Variants in PPM1L observed in about 807,000 individuals in gnomAD.
PPM1L encodes protein phosphatase, Mg2+/Mn2+ dependent 1L.
PPM1L carries 13 observed loss-of-function variants against 31.4 expected under a neutral mutation model. The observed-to-expected ratio is 0.41, with a 90% CI of 0.27 to 0.66. The LOEUF (loss-of-function observed/expected upper bound fraction) is 0.66, where lower values mean the gene tolerates loss of function less well. Ranked by LOEUF, PPM1L falls within the 30% of genes least tolerant of loss-of-function variation. The pLI, the probability that PPM1L is intolerant of heterozygous loss-of-function variation, is 0.29. For synonymous variants in PPM1L, 184 were observed against 175.4 expected (o/e 1.05, Z -0.39); for missense variants, 326 against 453.7 (o/e 0.72, Z 2.56).
At chr3:160,861,893 A>G (rs1052094986) in intron 1 of PPM1L, among the ~76,000 whole-genome samples, 2 of 152,114 alleles carry the variant, frequency 1.3e-5, no homozygotes, top group East Asian at 1.9e-4. Flanking sequence ...TTTTGCTTCC[A>G]TTGCTAGATT....
rs57262225 is a variant in PPM1L at position 160,903,210 on chromosome 3, G to GTA, written c.400-58525_400-58524insAT. 7.4e-4 allele frequency among the ~76,000 whole-genome samples: 73 copies of GTA among 99,216 alleles called. 1 individual carries two copies. The highest frequency in any genetic ancestry group is 8.3e-4 in the Non-Finnish European group (46 of 55,098). 65.1% of individuals were successfully genotyped at this position (99,216 alleles called of 152,430 possible). A position where few individuals can be genotyped will look rare whatever the true frequency, so the allele number is the denominator to read the frequency against. ...GTGTGTGTGGTATGTGTGTATGTTT[G>GTA]TGTGTGTGTGTGTGTGTGTGTGTGT... is the stretch of plus-strand genomic sequence containing the variant. On this transcript the variant is annotated intron_variant, in intron 1 of 3. Coordinates refer to ENST00000498165, the MANE Select transcript of PPM1L (RefSeq NM_139245.4).
At chr3:161,045,067 G>C (rs1719018848) in intron 2 of PPM1L, among the ~76,000 whole-genome samples, 1 of 152,166 alleles carries the variant, frequency 6.6e-6, no homozygotes, top group African/African-American at 2.4e-5. Context: ...AACAGGAAGA[G>C]CTAAATATCC....
At chr3:160,820,539 G>C (rs758567009) in intron 1 of PPM1L, among the ~76,000 whole-genome samples, 1 of 151,928 alleles carries the variant, frequency 6.6e-6, no homozygotes, top group African/African-American at 2.4e-5. Flanking sequence ...TAAATATGCT[G>C]CTTCTCACTT....
intron 1 of PPM1L, among the ~76,000 whole-genome samples, chr3:160,942,547 T>C (rs1347399799): frequency 2.0e-5 from 3 of 152,246 alleles, no homozygotes; most frequent in Admixed American, 2.0e-4. Flanking sequence ...AATTTTTAAA[T>C]TTTTCCATGA....
intron 1 of PPM1L, among the ~76,000 whole-genome samples, chr3:160,847,950 C>G (rs1714133024): frequency 6.6e-6 from 1 of 152,062 alleles, no homozygotes; most frequent in Non-Finnish European, 1.5e-5. Context: ...TGACTCTGTC[C>G]TCTGTTGCTG....
chr3:160,892,108 C>T (rs557986984), intron 1 of PPM1L, among the ~76,000 whole-genome samples: 3 of 152,134 alleles, frequency 2.0e-5, no homozygotes, highest in South Asian at 2.1e-4. Context: ...AACAAACCTG[C>T]GCGTTCTTCA....
At chr3:161,048,667 C>G (rs1719161431) in intron 2 of PPM1L, among the ~76,000 whole-genome samples, 1 of 152,072 alleles carries the variant, frequency 6.6e-6, no homozygotes, top group Non-Finnish European at 1.5e-5. Flanking sequence ...ATAGCAAAGA[C>G]TTGGAACCAA....
chr3:160,914,809 A>G (rs1352008708), intron 1 of PPM1L, among the ~76,000 whole-genome samples: 2 of 152,122 alleles, frequency 1.3e-5, no homozygotes, highest in Non-Finnish European at 2.9e-5. Context: ...ATACCCAGTA[A>G]TGGGATTGCT....
At chr3:160,792,542 T>C (rs1712135485) in intron 1 of PPM1L, among the ~76,000 whole-genome samples, 1 of 152,194 alleles carries the variant, frequency 6.6e-6, no homozygotes, top group Non-Finnish European at 1.5e-5. Flanking sequence ...GAGCCAATAT[T>C]GATACACTAT....
chr3:160,844,434 A>G (rs1714009055), intron 1 of PPM1L, among the ~76,000 whole-genome samples: 2 of 152,150 alleles, frequency 1.3e-5, no homozygotes, highest in South Asian at 4.1e-4. Context: ...TCTAAAATGG[A>G]GAATATTTAA....
intron 2 of PPM1L, among the ~76,000 whole-genome samples, chr3:161,034,693 G>A (rs566452551): frequency 3.9e-4 from 59 of 151,990 alleles, no homozygotes; most frequent in African/African-American, 1.2e-3. Context: ...GGCCTGTCGG[G>A]GGGGTGGAGG....
At chr3:160,807,983 G>A (rs930498875) in intron 1 of PPM1L, among the ~76,000 whole-genome samples, 4 of 152,158 alleles carry the variant, frequency 2.6e-5, no homozygotes, top group Non-Finnish European at 5.9e-5. Context: ...CTGGGAGAGT[G>A]TTATGACGAG....
intron 1 of PPM1L, among the ~76,000 whole-genome samples, chr3:160,800,643 C>G (rs1043206426): frequency 2.6e-5 from 4 of 151,994 alleles, no homozygotes; most frequent in Admixed American, 6.6e-5. Flanking sequence ...TTTATTTTAA[C>G]AATTCCAATG....
At chr3:160,990,541 A>C (rs1308692160) in intron 2 of PPM1L, among the ~76,000 whole-genome samples, 1 of 152,238 alleles carries the variant, frequency 6.6e-6, no homozygotes. Flanking sequence ...CAACAGCTGC[A>C]AATGAAGACT....
chr3:161,044,689 G>A (rs367803091), intron 2 of PPM1L, among the ~76,000 whole-genome samples: 14 of 152,240 alleles, frequency 9.2e-5, no homozygotes, highest in African/African-American at 3.1e-4. Context: ...AAAGACCATC[G>A]ATGCTAAGAA....
At chr3:160,882,808 C>G (rs938970073) in intron 1 of PPM1L, among the ~76,000 whole-genome samples, 2 of 152,216 alleles carry the variant, frequency 1.3e-5, no homozygotes, top group Non-Finnish European at 2.9e-5. Flanking sequence ...ACAACTTTAA[C>G]TAGTCTAAAA....
intron 1 of PPM1L, among the ~76,000 whole-genome samples, chr3:160,853,955 C>T (rs1233840572): frequency 6.6e-6 from 1 of 152,144 alleles, no homozygotes; most frequent in African/African-American, 2.4e-5. Flanking sequence ...ACTTTCCCTA[C>T]ACAAGTAGGT....
chr3:161,000,674 C>CA (rs1360750508), intron 2 of PPM1L, among the ~76,000 whole-genome samples: 2 of 151,556 alleles, frequency 1.3e-5, no homozygotes, highest in Non-Finnish European at 2.9e-5. Context: ...ACTTTTATAA[C>CA]AAAAAATATT....
chr3:160,914,690 T>G (rs931480744), intron 1 of PPM1L, among the ~76,000 whole-genome samples: 4 of 152,180 alleles, frequency 2.6e-5, no homozygotes, highest in African/African-American at 7.2e-5. Context: ...AGTCTATCAT[T>G]GTTGGACATT....
Sources: allele counts gnomAD v4.1 joint callset (sites outside exome capture counted in the v4.1 genomes callset), GRCh38; gene constraint gnomAD v4.1.1; transcripts MANE v1.5; gene names NCBI Gene and HGNC (gene_info 2026-07-23, HGNC 2026-07-21).